The following CSTL1 variants were observed in gnomAD, a reference collection of about 807,000 sequenced individuals.
CSTL1 encodes cystatin like 1, also known as cystatin-like 1.
A neutral mutation model predicts 14.4 loss-of-function variants in CSTL1; 14 were observed. The observed-to-expected ratio is 0.97, with a 90% CI of 0.64 to 1.52. The LOEUF (loss-of-function observed/expected upper bound fraction) is 1.52, where lower values mean the gene tolerates loss of function less well. Ranked by LOEUF, CSTL1 falls within the 40% of genes most tolerant of loss-of-function variation. CSTL1 has a pLI of 0.00. For missense variants in CSTL1, 170 were observed against 168.7 expected, an observed-to-expected ratio of 1.01 and a Z score of -0.04; for synonymous variants, 72 against 67.5, an observed-to-expected ratio of 1.07 and a Z score of -0.33.
chr20:23,458,865 C>T, the CSTL1 span, among the ~76,000 whole-genome samples: 6 of 152,124 alleles, frequency 3.9e-5, no homozygotes, highest in Admixed American at 6.6e-5. Context: ...CCTCACCTTC[C>T]CTAGACCATT....
At chr20:23,452,472 A>T in the CSTL1 span, 2 of 740,720 alleles carry the variant, frequency 2.7e-6, no homozygotes, top group South Asian at 3.2e-5. Context: ...TAAAGTGCTC[A>T]CATCAAGCTA....
At chr20:23,452,797 G>A in the CSTL1 span, 1 of 1,613,684 alleles carries the variant, frequency 6.2e-7, no homozygotes, top group Non-Finnish European at 8.5e-7. Context: ...GGGCCTGCCA[G>A]GGCTCAGCCA....
chr20:23,458,038 G>T, the CSTL1 span, among the ~76,000 whole-genome samples: 30 of 152,060 alleles, frequency 2.0e-4, no homozygotes, highest in African/African-American at 6.8e-4. Flanking sequence ...GGGTAACATG[G>T]ATCTATGGGT....
chr20:23,440,612 A>C (rs1267092793), intron 2 of CSTL1, 126 bp downstream of exon 2: 1 of 779,132 alleles, frequency 1.3e-6, no homozygotes. Flanking sequence ...AGGGGGAAGC[A>C]TCTTCACTTG....
chr20:23,440,988 A>T (rs1054105551), intron 2 of CSTL1: 26 of 214,646 alleles, frequency 1.2e-4, no homozygotes, highest in African/African-American at 6.2e-4. Flanking sequence ...CGAACTCCTG[A>T]CCTCAGGTGA....
At chr20:23,452,503 G>C in the CSTL1 span, 2 of 860,628 alleles carry the variant, frequency 2.3e-6, no homozygotes, top group African/African-American at 3.3e-5. Flanking sequence ...AATTTCCCTT[G>C]AGTGGGACTA....
At chr20:23,455,231 A>T in the CSTL1 span, among the ~76,000 whole-genome samples, 2 of 152,198 alleles carry the variant, frequency 1.3e-5, no homozygotes, top group Admixed American at 1.3e-4. Flanking sequence ...TCTTGTTTAT[A>T]TAAATAAGAG....
chr20:23,444,969 A>C, downstream of CSTL1: 1 of 804,382 alleles, frequency 1.2e-6, no homozygotes, highest in East Asian at 2.6e-5. Context: ...ATGCACACAC[A>C]CACATGCACA....
At chr20:23,449,225 C>G (rs6048801), downstream of CSTL1, among the ~76,000 whole-genome samples, 2 of 152,120 alleles carry the variant, frequency 1.3e-5, no homozygotes, top group African/African-American at 4.8e-5. Context: ...TCCCTGTGCC[C>G]TTTTATTTGT....
the CSTL1 span, among the ~76,000 whole-genome samples, chr20:23,461,095 G>C: frequency 6.6e-6 from 1 of 152,186 alleles, no homozygotes; most frequent in Non-Finnish European, 1.5e-5. Context: ...CCACCAGTCT[G>C]ATCAGTCAGC....
At chr20:23,451,917 TG>T in the CSTL1 span, 1 of 1,613,438 alleles carries the variant, frequency 6.2e-7, no homozygotes, top group South Asian at 1.1e-5. Context: ...AGGTGGTCAG[TG>T]ACCTGTGGGC....
the CSTL1 span, among the ~76,000 whole-genome samples, chr20:23,457,361 C>A: frequency 6.6e-6 from 1 of 152,136 alleles, no homozygotes; most frequent in African/African-American, 2.4e-5. Flanking sequence ...GTGAGCAATT[C>A]AGGTGGCTTC....
chr20:23,441,881 G>A (rs563436082), intron 2 of CSTL1, among the ~76,000 whole-genome samples: 1 of 152,324 alleles, frequency 6.6e-6, no homozygotes, highest in South Asian at 2.1e-4. Context: ...CAGAGAGTAA[G>A]GCAGCTGGAA....
chr20:23,458,052 T>A, the CSTL1 span, among the ~76,000 whole-genome samples: 1 of 152,172 alleles, frequency 6.6e-6, no homozygotes, highest in Non-Finnish European at 1.5e-5. Context: ...TATGGGTCCA[T>A]GGATTAATTG....
chr20:23,443,907 A>C (rs760870509), intron 2 of CSTL1, 27 bp from the exon 3 acceptor site: 3 of 1,574,246 alleles, frequency 1.9e-6, no homozygotes, highest in Non-Finnish European at 1.7e-6. Flanking sequence ...TGGAGTCCAC[A>C]CTAACAGCAC....
chr20:23,456,133 T>C, the CSTL1 span, among the ~76,000 whole-genome samples: 1 of 152,224 alleles, frequency 6.6e-6, no homozygotes, highest in Non-Finnish European at 1.5e-5. Flanking sequence ...CAGGCTTCAC[T>C]TGCAAGTGTC....
chr20:23,449,852 C>G (rs1321035471), downstream of CSTL1, among the ~76,000 whole-genome samples: 1 of 152,174 alleles, frequency 6.6e-6, no homozygotes, highest in East Asian at 1.9e-4. Flanking sequence ...CTTTGCTCCT[C>G]TAGGAGAGGA....
At chr20:23,448,463 G>GGC (rs1277340099), downstream of CSTL1, among the ~76,000 whole-genome samples, 1 of 152,130 alleles carries the variant, frequency 6.6e-6, no homozygotes, top group African/African-American at 2.4e-5. Flanking sequence ...GTGACTAAAT[G>GGC]GCACACACAC....
At chr20:23,452,643 T>C in the CSTL1 span, 19 of 1,614,014 alleles carry the variant, frequency 1.2e-5, no homozygotes, top group Non-Finnish European at 1.5e-5. Flanking sequence ...TCACTTTCCT[T>C]GTTATACTGG....
Sources: allele counts gnomAD v4.1 joint callset (sites outside exome capture counted in the v4.1 genomes callset), GRCh38; gene constraint gnomAD v4.1.1; transcripts MANE v1.5; gene names NCBI Gene and HGNC (gene_info 2026-07-23, HGNC 2026-07-21).